SRPK1: variants seen among roughly 807,000 people sequenced by gnomAD.
The protein encoded by SRPK1 is SFRS protein kinase 1.
SRPK1 carries 52 observed loss-of-function variants against 89.5 expected under a neutral mutation model. The ratio of observed to expected loss-of-function variants is 0.58; its 90% confidence interval spans 0.46 to 0.73. The LOEUF (loss-of-function observed/expected upper bound fraction) is 0.73, where lower values mean the gene tolerates loss of function less well. Ranked by LOEUF, SRPK1 falls within the 30% of genes least tolerant of loss-of-function variation. The pLI is 0.00. For missense variants in SRPK1, 603 were observed against 780.6 expected (o/e 0.77, Z 2.71); for synonymous variants, 255 against 270.2 (o/e 0.94, Z 0.55).
At chr6:35,900,326 A>G (rs1236807004) in intron 2 of SRPK1, among the ~76,000 whole-genome samples, 2 of 152,248 alleles carry the variant, frequency 1.3e-5, no homozygotes, top group Non-Finnish European at 2.9e-5. Context: ...GTGCCTGAAC[A>G]TAAATTTTAG....
At chr6:35,887,809 T>C (rs1291702178) in intron 5 of SRPK1, 3 of 379,466 alleles carry the variant, frequency 7.9e-6, no homozygotes, top group Admixed American at 4.4e-5. Flanking sequence ...GGTTCATGCG[T>C]GTAAGAAGAA....
intron 13 of SRPK1, among the ~76,000 whole-genome samples, chr6:35,852,407 C>A (rs1012819345): frequency 6.6e-5 from 10 of 152,292 alleles, no homozygotes; most frequent in African/African-American, 1.9e-4. Flanking sequence ...TGTATTACCT[C>A]TGTTTAGCGG....
At chr6:35,904,988 G>GAA in intron 2 of SRPK1, 5 of 423,000 alleles carry the variant, frequency 1.2e-5, no homozygotes, top group East Asian at 7.6e-5. Flanking sequence ...CAAAAGAAAA[G>GAA]AAAAAAAAAA....
At chr6:35,889,145 A>G (rs1427599685) in intron 3 of SRPK1, among the ~76,000 whole-genome samples, 1 of 152,226 alleles carries the variant, frequency 6.6e-6, no homozygotes, top group Non-Finnish European at 1.5e-5. Context: ...TTAATGATTT[A>G]GATTGAGCCT....
rs574073816 is a variant in SRPK1, at chr6:35,920,325, G to A, written c.74+143C>T. The A allele has an allele frequency of 1.0e-4, 88 of 842,882 alleles. No homozygotes were observed. In the East Asian group the frequency reaches 2.3e-3, roughly 22 times the overall value. The allele number at this position is 842,882 out of a possible 1,614,324, so 52.2% of individuals were successfully genotyped here. On this transcript the variant is annotated intron_variant, in intron 2 of 15. Coordinates refer to ENST00000373825, the MANE Select transcript of SRPK1 (RefSeq NM_003137.5). ...AGCTCTCTTCCACATGGTTGCTGGA[G>A]AGCGACCCTCCGAGCTGCCCCGAGG... is the stretch of plus-strand genomic sequence containing the variant.
intron 2 of SRPK1, among the ~76,000 whole-genome samples, chr6:35,906,047 G>C (rs559065008): frequency 4.7e-4 from 71 of 151,946 alleles, no homozygotes; most frequent in African/African-American, 1.7e-3. Context: ...TTTCCTAGCC[G>C]GGGGCAGAAA....
At chr6:35,876,217 TAA>T (rs1770155992) in intron 6 of SRPK1, among the ~76,000 whole-genome samples, 1 of 145,620 alleles carries the variant, frequency 6.9e-6, no homozygotes, top group African/African-American at 2.6e-5. Flanking sequence ...ATGACTAAAA[TAA>T]AAAAACTAAA....
chr6:35,843,702 G>C (rs1299898924), intron 13 of SRPK1, among the ~76,000 whole-genome samples: 2 of 152,140 alleles, frequency 1.3e-5, no homozygotes, highest in Non-Finnish European at 2.9e-5. Context: ...ACCCGCCTCT[G>C]CCTCCCAAAG....
intron 5 of SRPK1, chr6:35,887,690 A>G (rs900240932): frequency 5.2e-6 from 1 of 191,526 alleles, no homozygotes. Flanking sequence ...ATTTATTTAC[A>G]CAACTTTCCT....
intron 2 of SRPK1, among the ~76,000 whole-genome samples, chr6:35,896,146 A>G (rs894196334): frequency 3.3e-5 from 5 of 152,214 alleles, no homozygotes; most frequent in Non-Finnish European, 7.3e-5. Flanking sequence ...CACAGGTAAA[A>G]CAACCTGGGC....
intron 6 of SRPK1, among the ~76,000 whole-genome samples, chr6:35,876,662 C>T (rs916154466): frequency 6.6e-6 from 1 of 152,006 alleles, no homozygotes; most frequent in Non-Finnish European, 1.5e-5. Context: ...AACAAAAAAC[C>T]CCAGCACCTA....
At chr6:35,907,377 T>C (rs570812492) in intron 2 of SRPK1, among the ~76,000 whole-genome samples, 56 of 152,272 alleles carry the variant, frequency 3.7e-4, no homozygotes, top group African/African-American at 1.2e-3. Context: ...CTATAATTTA[T>C]AAAATAATAT....
At chr6:35,904,242 T>C (rs1293672031) in intron 2 of SRPK1, among the ~76,000 whole-genome samples, 1 of 152,228 alleles carries the variant, frequency 6.6e-6, no homozygotes, top group Non-Finnish European at 1.5e-5. Context: ...CCCTGTTAAA[T>C]TAGTTGAAAA....
At chr6:35,856,910 G>A (rs566664543) in intron 13 of SRPK1, 75 of 179,426 alleles carry the variant, frequency 4.2e-4, no homozygotes, top group African/African-American at 1.5e-3. Flanking sequence ...AGTTTCCAGG[G>A]GTTTCTTTGG....
intron 2 of SRPK1, among the ~76,000 whole-genome samples, chr6:35,911,912 C>T (rs999861972): frequency 6.8e-6 from 1 of 148,112 alleles, no homozygotes; most frequent in African/African-American, 2.5e-5. Context: ...CAAACATCAT[C>T]GCATACTACA....
rs149982584 is a variant in SRPK1 at position 35,852,484 on chromosome 6, T to C, written c.1620+4777A>G. 3.1e-3 allele frequency among the ~76,000 whole-genome samples: 475 copies of C among 152,206 alleles called. 7 individuals are homozygous for C. Among genetic ancestry groups the C allele is most frequent in the South Asian group, 0.026 (125 of 4,826 alleles). On this transcript the variant is annotated intron_variant, in intron 13 of 15. Coordinates refer to ENST00000373825, the MANE Select transcript of SRPK1 (RefSeq NM_003137.5). ...GCTTTCATTGTATAGGATAAGGAAA[T>C]TGTACAAAAAGAACTCAAAATATTA...
At chr6:35,862,825 A>G (rs1769806282) in intron 12 of SRPK1, among the ~76,000 whole-genome samples, 1 of 151,846 alleles carries the variant, frequency 6.6e-6, no homozygotes, top group Admixed American at 6.6e-5. Flanking sequence ...AGATATCTTA[A>G]AACAACAACA....
At chr6:35,844,246 G>A (rs142393915) in intron 13 of SRPK1, among the ~76,000 whole-genome samples, 1,867 of 151,404 alleles carry the variant, frequency 0.012, 36 homozygotes, top group African/African-American at 0.043. Context: ...CTCGTGATCC[G>A]CCTGCCTCGG....
intron 2 of SRPK1, among the ~76,000 whole-genome samples, chr6:35,904,485 C>CA (rs1395621376): frequency 6.6e-6 from 1 of 152,170 alleles, no homozygotes; most frequent in Non-Finnish European, 1.5e-5. Flanking sequence ...TGCCTGTAAA[C>CA]AAAAGTATAC....
Sources: gnomAD v4.1 joint callset for allele counts (sites outside exome capture counted in the v4.1 genomes callset) on GRCh38, gnomAD v4.1.1 for gene constraint, MANE v1.5 for transcripts, NCBI Gene and HGNC (gene_info 2026-07-23, HGNC 2026-07-21) for gene names.